CSMD2: variants seen among roughly 807,000 people sequenced by gnomAD.
CSMD2 encodes CUB and sushi domain-containing protein 2.
Under a neutral mutation model 398.5 loss-of-function variants are expected in CSMD2, and 130 were observed. The ratio of observed to expected loss-of-function variants is 0.33; its 90% CI spans 0.28 to 0.38. CSMD2 has a LOEUF of 0.38. CSMD2 is among the 10% of genes least tolerant of loss of function. The pLI is 1.00. For missense variants in CSMD2, 3,829 were observed against 4,764.9 expected (o/e 0.80, Z 5.78); for synonymous variants, 1,828 against 1,908.5 (o/e 0.96, Z 1.10).
intron 44 of CSMD2, chr1:33,600,294 G>A (rs1053326332): frequency 1.6e-6 from 1 of 628,548 alleles, no homozygotes; most frequent in Middle Eastern, 3.5e-4. Context: ...AGTCCACAGA[G>A]AACATTCTAT....
At chr1:33,776,048 GAGA>G (rs1651922861) in intron 12 of CSMD2, among the ~76,000 whole-genome samples, 1 of 152,242 alleles carries the variant, frequency 6.6e-6, no homozygotes, top group Admixed American at 6.5e-5. Flanking sequence ...AACAGGAGAA[GAGA>G]AGGTGATATC....
chr1:33,674,473 C>G (rs956901285), intron 25 of CSMD2, among the ~76,000 whole-genome samples: 1 of 152,124 alleles, frequency 6.6e-6, no homozygotes, highest in African/African-American at 2.4e-5. Context: ...CCTGAGTGAC[C>G]TACAAAGAGA....
At chr1:33,982,789 C>T (rs565363879) in intron 3 of CSMD2, among the ~76,000 whole-genome samples, 9 of 152,244 alleles carry the variant, frequency 5.9e-5, no homozygotes, top group Middle Eastern at 3.4e-3. Context: ...CTTGGTGGAG[C>T]ACAGGGCACA....
rs533262394 is a variant in CSMD2, at chr1:34,119,845, T to C, written c.188-30652A>G. Among the ~76,000 whole-genome samples, 33 of 152,242 alleles carry C rather than the reference T, an allele frequency of 2.2e-4. No individual in the cohort carries two copies. The South Asian group carries it at 5.2e-3, about 24-fold the overall frequency. On this transcript the variant is annotated intron_variant, in intron 1 of 70. Coordinates refer to ENST00000373381, the MANE Select transcript of CSMD2 (RefSeq NM_001281956.2). ...GGAGTGTAAAATGGTACAGCTGCTA[T>C]AAAAAACAGCATGGAAGATCCTCAA... is the stretch of plus-strand genomic sequence containing the variant.
chr1:33,831,567 G>A (rs1456419925), intron 6 of CSMD2, among the ~76,000 whole-genome samples: 2 of 151,850 alleles, frequency 1.3e-5, no homozygotes, highest in African/African-American at 2.4e-5. Context: ...ATGCCAAAAT[G>A]TAAAGACCAT....
At chr1:33,935,013 T>TAAAAAAAAAAAAAAA (rs537683892) in intron 4 of CSMD2, among the ~76,000 whole-genome samples, 3 of 42,302 alleles carry the variant, frequency 7.1e-5, no homozygotes, top group African/African-American at 1.9e-4. Flanking sequence ...CAAATAAAAT[T>TAAAAAAAAAAAAAAA]AAAAAAAAAA....
chr1:34,088,589 T>C (rs1489194521), intron 2 of CSMD2, among the ~76,000 whole-genome samples: 1 of 152,184 alleles, frequency 6.6e-6, no homozygotes, highest in East Asian at 1.9e-4. Flanking sequence ...GTATTGATGG[T>C]TTCAAATACT....
chr1:34,020,239 T>A (rs1452173296), intron 3 of CSMD2, among the ~76,000 whole-genome samples: 1 of 152,154 alleles, frequency 6.6e-6, no homozygotes, highest in East Asian at 1.9e-4. Context: ...ACAGAATGTA[T>A]GGAGGCCCTG....
chr1:33,558,565 TATC>T (rs1658256388), intron 54 of CSMD2, among the ~76,000 whole-genome samples: 1 of 152,186 alleles, frequency 6.6e-6, no homozygotes, highest in Admixed American at 6.5e-5. Context: ...GTCTCAAACT[TATC>T]ATATGAAGTG....
intron 3 of CSMD2, among the ~76,000 whole-genome samples, chr1:33,964,677 A>T (rs1645495288): frequency 6.6e-6 from 1 of 152,164 alleles, no homozygotes; most frequent in Admixed American, 6.5e-5. Context: ...AGATGGATGC[A>T]CAACCCCTCC....
chr1:34,153,545 A>T (rs1640525272), intron 1 of CSMD2, among the ~76,000 whole-genome samples: 1 of 152,242 alleles, frequency 6.6e-6, no homozygotes, highest in African/African-American at 2.4e-5. Context: ...TACACTCAGC[A>T]CTGAAACTTG....
At chr1:34,124,473 C>T (rs1161959952) in intron 1 of CSMD2, among the ~76,000 whole-genome samples, 2 of 152,298 alleles carry the variant, frequency 1.3e-5, no homozygotes, top group East Asian at 3.9e-4. Context: ...CTGCTCATGC[C>T]ATCGGCTAGT....
intron 13 of CSMD2, among the ~76,000 whole-genome samples, chr1:33,752,547 C>G (rs1010953222): frequency 3.9e-5 from 6 of 152,162 alleles, no homozygotes; most frequent in African/African-American, 1.4e-4. Context: ...ATAAATTACC[C>G]AGCTTCAAGT....
At chr1:33,891,604 G>A (rs1184140026) in intron 5 of CSMD2, among the ~76,000 whole-genome samples, 2 of 151,872 alleles carry the variant, frequency 1.3e-5, no homozygotes, top group African/African-American at 2.4e-5. Context: ...GCACACGTAT[G>A]TTTATTGCGG....
At chr1:33,661,090 T>A (rs866005159) in intron 26 of CSMD2, among the ~76,000 whole-genome samples, 1 of 152,178 alleles carries the variant, frequency 6.6e-6, no homozygotes, top group Non-Finnish European at 1.5e-5. Context: ...GCATACAGCA[T>A]AGGAGAGCAC....
At chr1:33,978,172 AG>A (rs1233091712) in intron 3 of CSMD2, among the ~76,000 whole-genome samples, 1 of 152,210 alleles carries the variant, frequency 6.6e-6, no homozygotes, top group African/African-American at 2.4e-5. Context: ...GTACTGGGGA[AG>A]GAGATGAGAT....
chr1:34,150,076 TTTCTTTTTTTTTTG>T (rs1216511383), intron 1 of CSMD2, among the ~76,000 whole-genome samples: 14 of 128,588 alleles, frequency 1.1e-4, no homozygotes, highest in East Asian at 2.4e-4. Flanking sequence ...ATTTTTCTTC[TTTCTTTTTTTTTTG>T]TTTTTTTTTG....
rs1317787590 is a variant in CSMD2 at position 33,991,146 on chromosome 1, C to T, written c.517+41448G>A. ...CGATCCTCCCAAGTAGCTAGGACTA[C>T]AGGCACTCCCCACCATGTCTGGTTG... On this transcript the variant is annotated intron_variant, in intron 3 of 70. Coordinates refer to ENST00000373381, the MANE Select transcript of CSMD2 (RefSeq NM_001281956.2). 2.6e-5 allele frequency among the ~76,000 whole-genome samples: 4 copies of T among 151,954 alleles called. No homozygotes were observed. The South Asian group carries it at 6.2e-4, about 24-fold the overall frequency.
intron 66 of CSMD2, among the ~76,000 whole-genome samples, chr1:33,524,355 A>G (rs1175733753): frequency 6.6e-6 from 1 of 152,190 alleles, no homozygotes; most frequent in Non-Finnish European, 1.5e-5. Flanking sequence ...TAGAAATGTA[A>G]TTAATGGGTC....
Sources: gnomAD v4.1 joint callset for allele counts (sites outside exome capture counted in the v4.1 genomes callset) on GRCh38, gnomAD v4.1.1 for gene constraint, MANE v1.5 for transcripts, NCBI Gene and HGNC (gene_info 2026-07-23, HGNC 2026-07-21) for gene names.